Variants in CACNA1E observed in about 807,000 individuals in gnomAD.
CACNA1E encodes calcium voltage-gated channel subunit alpha1 E.
A neutral mutation model predicts 259.2 loss-of-function variants in CACNA1E; 40 were observed. The observed-to-expected ratio is 0.15, with a 90% CI of 0.12 to 0.20. The LOEUF is 0.20. Ranked by LOEUF, CACNA1E falls within the 10% of genes least tolerant of loss-of-function variation. The pLI is 1.00. For missense variants in CACNA1E, 1,874 were observed against 3,040.1 expected (o/e 0.62, Z 9.02); for synonymous variants, 1,104 against 1,138.5 (o/e 0.97, Z 0.61).
intron 1 of CACNA1E, among the ~76,000 whole-genome samples, chr1:181,366,122 C>T (rs1391126716): frequency 6.6e-6 from 1 of 152,140 alleles, no homozygotes; most frequent in East Asian, 1.9e-4. Flanking sequence ...AACAGGACTC[C>T]CCTTGGGGAC....
At chr1:181,756,799 A>C in intron 29 of CACNA1E, 126 bp from the exon 30 acceptor site, 2 of 663,424 alleles carry the variant, frequency 3.0e-6, no homozygotes, top group East Asian at 2.6e-5. Context: ...GTTTGGACTC[A>C]AAAAAAATTA....
chr1:181,782,746 A>G (rs1426183452), intron 39 of CACNA1E, among the ~76,000 whole-genome samples: 1 of 152,168 alleles, frequency 6.6e-6, no homozygotes, highest in East Asian at 1.9e-4. Flanking sequence ...TCCCCCCAGT[A>G]CATGGCTCCT....
chr1:181,705,857 C>G (rs74127824), intron 7 of CACNA1E, among the ~76,000 whole-genome samples: 4,849 of 152,250 alleles, frequency 0.032, 219 homozygotes, highest in African/African-American at 0.11. Flanking sequence ...GAAATTGAGA[C>G]AGCAAGGTGA....
chr1:181,318,630 G>A (rs773827616), intron 1 of CACNA1E, among the ~76,000 whole-genome samples: 10 of 152,200 alleles, frequency 6.6e-5, no homozygotes, highest in Non-Finnish European at 1.3e-4. Flanking sequence ...CCCCGGCTTC[G>A]GGAAGTTTTG....
rs56909779 is a variant in CACNA1E, at chr1:181,505,421, G to C, written c.267-5056G>C. Among the ~76,000 whole-genome samples the C allele has an allele frequency of 5.5e-3, 838 of 152,068 alleles. 7 individuals are homozygous for C. Among genetic ancestry groups the C allele is most frequent in the African/African-American group, 0.018 (751 of 41,456 alleles). On this transcript the variant is annotated intron_variant, in intron 1 of 47. Coordinates refer to ENST00000367573, the MANE Select transcript of CACNA1E (RefSeq NM_001205293.3). ...GAGTCTTGCTGTGTTGCCCAGGCTG[G>C]AATGCAGTCGCACGATCTCAGCTCA...
intron 2 of CACNA1E, among the ~76,000 whole-genome samples, chr1:181,462,975 G>C (rs1661919038): frequency 6.6e-6 from 1 of 152,002 alleles, no homozygotes; most frequent in Non-Finnish European, 1.5e-5. Context: ...CATGTCTCTT[G>C]GGTGCATGTG....
intron 1 of CACNA1E, among the ~76,000 whole-genome samples, chr1:181,504,403 G>A (rs1024422610): frequency 1.3e-5 from 2 of 152,192 alleles, no homozygotes; most frequent in Admixed American, 6.5e-5. Context: ...TCAGAGCATG[G>A]CCTTCTTAGT....
chr1:181,689,517 A>G lies in CACNA1E; in HGVS notation c.1056-21437A>G, dbSNP rs186740921. ...CCCAGTAATGAGATTGCTGGGTCAA[A>G]TGGTATTTCTGGTTCTAGATCCTTG... On this transcript the variant is annotated intron_variant, in intron 7 of 47. Coordinates refer to ENST00000367573, the MANE Select transcript of CACNA1E (RefSeq NM_001205293.3). Among the ~76,000 whole-genome samples, 427 of 152,288 alleles carry G rather than the reference A, an allele frequency of 2.8e-3. 3 individuals carry two copies. The highest frequency in any genetic ancestry group is 9.8e-3 in the African/African-American group (409 of 41,552).
chr1:181,431,313 C>G (rs1659700404), intron 2 of CACNA1E, among the ~76,000 whole-genome samples: 1 of 152,140 alleles, frequency 6.6e-6, no homozygotes, highest in African/African-American at 2.4e-5. Flanking sequence ...GCAACATATA[C>G]TGACCATGAA....
intron 2 of CACNA1E, among the ~76,000 whole-genome samples, chr1:181,458,865 CCAT>C (rs1661627906): frequency 6.6e-6 from 1 of 150,712 alleles, no homozygotes; most frequent in East Asian, 1.9e-4. Context: ...ATCCATCCAT[CCAT>C]CCACCCATCC....
intron 3 of CACNA1E, among the ~76,000 whole-genome samples, chr1:181,573,258 A>G (rs942278097): frequency 6.6e-6 from 1 of 152,220 alleles, no homozygotes; most frequent in Non-Finnish European, 1.5e-5. Context: ...CCATTCTCAT[A>G]GCACTTTGTA....
At position 181,721,644 on chromosome 1, in the gene CACNA1E, T is replaced by A. The variant is rs1654425247; in HGVS notation, c.1957-114T>A. On this transcript the variant is annotated intron_variant, in intron 15 of 47. Coordinates refer to ENST00000367573, the MANE Select transcript of CACNA1E (RefSeq NM_001205293.3). ...TTTTTTTTTAACTCCCTGGCAAGAT[T>A]GTCAAGCAAGGGGGTAGATGCAAAA... 5.4e-6 allele frequency: 3 copies of A among 551,336 alleles called. 1 individual carries two copies. The South Asian group carries it at 1.0e-4, about 19-fold the overall frequency. 34.2% of individuals were successfully genotyped at this position (551,336 alleles called of 1,614,324 possible). A position where few individuals can be genotyped will look rare whatever the true frequency, so the allele number is the denominator to read the frequency against.
intron 7 of CACNA1E, 130 bp downstream of exon 7, chr1:181,651,571 G>T: frequency 4.8e-6 from 3 of 631,204 alleles, no homozygotes; most frequent in Non-Finnish European, 8.4e-6. Flanking sequence ...GTTCCTCTGT[G>T]CCAAATGCTT....
At chr1:181,673,138 A>C (rs571654952) in intron 7 of CACNA1E, among the ~76,000 whole-genome samples, 1 of 152,316 alleles carries the variant, frequency 6.6e-6, no homozygotes, top group East Asian at 1.9e-4. Flanking sequence ...TGTAGAACGT[A>C]CCTCAGCCCT....
At chr1:181,592,004 A>T (rs1652695676) in intron 6 of CACNA1E, among the ~76,000 whole-genome samples, 1 of 152,184 alleles carries the variant, frequency 6.6e-6, no homozygotes, top group Admixed American at 6.5e-5. Flanking sequence ...TAGCCACTTT[A>T]CACTTTCCAT....
intron 3 of CACNA1E, among the ~76,000 whole-genome samples, chr1:181,532,066 AAAG>A (rs1667830211): frequency 6.6e-6 from 1 of 152,128 alleles, no homozygotes; most frequent in Admixed American, 6.5e-5. Context: ...AAAAAAAAGA[AAAG>A]AAAAGAAAAG....
intron 43 of CACNA1E, among the ~76,000 whole-genome samples, chr1:181,787,251 C>T (rs1174376656): frequency 6.6e-6 from 1 of 151,932 alleles, no homozygotes; most frequent in African/African-American, 2.4e-5. Context: ...TCCCGAGTAG[C>T]TGGGACTACA....
intron 6 of CACNA1E, among the ~76,000 whole-genome samples, chr1:181,583,330 C>T (rs1009961018): frequency 2.0e-5 from 3 of 152,152 alleles, no homozygotes; most frequent in Non-Finnish European, 4.4e-5. Flanking sequence ...TTCCTTTCTA[C>T]CACTCCTCAT....
chr1:181,333,536 G>C (rs562111983), intron 1 of CACNA1E, among the ~76,000 whole-genome samples: 35 of 152,326 alleles, frequency 2.3e-4, no homozygotes, highest in Middle Eastern at 3.4e-3. Flanking sequence ...ATTTATAAAA[G>C]CAAGTGAGCC....
Sources: gnomAD v4.1 joint callset for allele counts (sites outside exome capture counted in the v4.1 genomes callset) on GRCh38, gnomAD v4.1.1 for gene constraint, MANE v1.5 for transcripts, NCBI Gene and HGNC (gene_info 2026-07-23, HGNC 2026-07-21) for gene names.